FGF2: variants seen among roughly 807,000 people sequenced by gnomAD.
The protein encoded by FGF2 is fibroblast growth factor 2, also known as basic fibroblast growth factor bFGF.
Under a neutral mutation model 15.9 loss-of-function variants are expected in FGF2, and 13 were observed. That is an observed-to-expected ratio of 0.82 (90% CI 0.53 to 1.30). FGF2 has a LOEUF of 1.30. Ranked by LOEUF, FGF2 falls within the 50% of genes most tolerant of loss-of-function variation. The pLI, the probability that FGF2 is intolerant of heterozygous loss-of-function variation, is 0.00. For synonymous variants in FGF2, 90 were observed against 78.4 expected (o/e 1.15, Z -0.78); for missense variants, 163 against 196.9 (o/e 0.83, Z 1.03).
chr4:122,871,257 A>G (rs1726725256), intron 1 of FGF2, among the ~76,000 whole-genome samples: 1 of 152,156 alleles, frequency 6.6e-6, no homozygotes, highest in Non-Finnish European at 1.5e-5. Context: ...TCGGTTTTAG[A>G]ATAAATGCCA....
At chr4:122,841,091 T>C (rs1012101069) in intron 1 of FGF2, among the ~76,000 whole-genome samples, 1 of 152,226 alleles carries the variant, frequency 6.6e-6, no homozygotes, top group Non-Finnish European at 1.5e-5. Flanking sequence ...CCATGGAATA[T>C]TTGACCGAAT....
At chr4:122,864,900 C>T (rs577879800) in intron 1 of FGF2, among the ~76,000 whole-genome samples, 1 of 152,198 alleles carries the variant, frequency 6.6e-6, no homozygotes, top group East Asian at 1.9e-4. Context: ...ACAATGCAAA[C>T]ATTGTTACAT....
At chr4:122,889,966 T>A (rs1213018048) in intron 2 of FGF2, 2 of 152,170 alleles carry the variant, frequency 1.3e-5, no homozygotes, top group Non-Finnish European at 2.9e-5. Flanking sequence ...GTTGTTTAAA[T>A]TTACCTCTGG....
intron 1 of FGF2, among the ~76,000 whole-genome samples, chr4:122,875,756 G>C (rs1257244635): frequency 6.6e-6 from 1 of 152,192 alleles, no homozygotes; most frequent in Non-Finnish European, 1.5e-5. Context: ...GCAGTGAGCC[G>C]TGATTGTGCC....
At chr4:122,860,968 A>C (rs1158848658) in intron 1 of FGF2, among the ~76,000 whole-genome samples, 1 of 152,150 alleles carries the variant, frequency 6.6e-6, no homozygotes, top group Non-Finnish European at 1.5e-5. Flanking sequence ...AATAACTGTT[A>C]GATACCTTAG....
rs1727405397 is a variant in FGF2 at position 122,897,700 on chromosome 4, T to C, written c.*5304T>C. On this transcript the variant is annotated 3_prime_UTR_variant, in exon 3 of 3. Coordinates refer to ENST00000644866, the MANE Select transcript of FGF2 (RefSeq NM_001361665.2). ...TCAACTGCAGTATAAAGTCAGAAAA[T>C]AAAGTTAACATAACTTTCACTAACA... The C allele has an allele frequency of 1.3e-6, 2 of 1,548,338 alleles. No homozygotes were observed. Among genetic ancestry groups the C allele is most frequent in the African/African-American group, 2.7e-5 (2 of 73,664 alleles).
intron 2 of FGF2, among the ~76,000 whole-genome samples, chr4:122,876,696 A>T (rs776689054): frequency 6.6e-6 from 1 of 152,322 alleles, no homozygotes; most frequent in East Asian, 1.9e-4. Flanking sequence ...TTACTCTGCA[A>T]AACTATTAAG....
chr4:122,859,590 CA>C (rs58102648), intron 1 of FGF2, among the ~76,000 whole-genome samples: 7,675 of 151,918 alleles, frequency 0.051, 304 homozygotes, highest in Non-Finnish European at 0.075. Flanking sequence ...AGGTAGGGTG[CA>C]AAGCCAACAT....
At chr4:122,885,116 A>G (rs1727031426) in intron 2 of FGF2, among the ~76,000 whole-genome samples, 1 of 152,226 alleles carries the variant, frequency 6.6e-6, no homozygotes, top group Non-Finnish European at 1.5e-5. Context: ...TAGGGAGTAA[A>G]TAGTTCATAA....
rs2150758231 is a variant in FGF2, at chr4:122,827,158, CG to C, written c.-14del. ...GCTCCAGCGGCTCGGGGATCCCGGC[CG>C]GGCCCCGCAGGGACCATGGCAGCCG... is the stretch of plus-strand genomic sequence containing the variant. On this transcript the variant is annotated 5_prime_UTR_variant, in exon 1 of 3. Transcript: ENST00000644866. The surrounding 1 kb of genome is among the most constrained non-coding windows in gnomAD (Gnocchi z 4.2). 1 of 1,433,844 alleles carries C rather than the reference CG, an allele frequency of 7.0e-7. No individual in the cohort carries two copies. The highest frequency in any genetic ancestry group is 9.2e-7 in the Non-Finnish European group (1 of 1,090,294). 88.8% of individuals were successfully genotyped at this position (1,433,844 alleles called of 1,614,324 possible).
At chr4:122,854,878 C>G (rs970621104) in intron 1 of FGF2, among the ~76,000 whole-genome samples, 4 of 152,116 alleles carry the variant, frequency 2.6e-5, no homozygotes, top group Non-Finnish European at 2.9e-5. Flanking sequence ...ATTTTACAGT[C>G]AAATAGAATG....
chr4:122,876,960 G>C (rs975106734), intron 2 of FGF2, among the ~76,000 whole-genome samples: 5 of 152,130 alleles, frequency 3.3e-5, no homozygotes, highest in Admixed American at 6.5e-5. Flanking sequence ...TAGAAACAAT[G>C]ATACTATCTC....
At chr4:122,875,473 A>G (rs1374761940) in intron 1 of FGF2, among the ~76,000 whole-genome samples, 5 of 125,264 alleles carry the variant, frequency 4.0e-5, no homozygotes, top group African/African-American at 1.3e-4. Flanking sequence ...AAATGCATCT[A>G]TAGTTCATTG....
intron 1 of FGF2, among the ~76,000 whole-genome samples, chr4:122,854,341 C>T (rs72672968): frequency 0.019 from 2,932 of 152,258 alleles, 52 homozygotes; most frequent in Non-Finnish European, 0.032. Context: ...AGTATTCGAC[C>T]CTGGCAATCA....
intron 1 of FGF2, among the ~76,000 whole-genome samples, chr4:122,871,265 C>T (rs1272230600): frequency 6.6e-6 from 1 of 151,964 alleles, no homozygotes; most frequent in African/African-American, 2.4e-5. Flanking sequence ...AGAATAAATG[C>T]CATGTGGTAC....
chr4:122,897,615 GAT>G lies in FGF2; in HGVS notation c.*5221_*5222del. ...TTTTAAGCCAATTAAAAATATAAAA[GAT>G]ACACACCAATATCTTCTTCAGGCTC... On this transcript the variant is annotated 3_prime_UTR_variant, in exon 3 of 3. Transcript: ENST00000644866. 1 of 1,582,866 alleles carries G rather than the reference GAT, an allele frequency of 6.3e-7. No individual in the cohort carries two copies. Among genetic ancestry groups the G allele is most frequent in the Non-Finnish European group, 8.7e-7 (1 of 1,151,924 alleles).
chr4:122,848,638 A>T (rs1185469221), intron 1 of FGF2, among the ~76,000 whole-genome samples: 1 of 152,006 alleles, frequency 6.6e-6, no homozygotes, highest in African/African-American at 2.4e-5. Context: ...CACAGAGGGG[A>T]ATTGAGGCTG....
chr4:122,861,653 C>G (rs1470928933), intron 1 of FGF2, among the ~76,000 whole-genome samples: 1 of 152,038 alleles, frequency 6.6e-6, no homozygotes, highest in African/African-American at 2.4e-5. Flanking sequence ...TCATTAAAAG[C>G]TCTCATTCTT....
rs1713564191 is a variant in FGF2 at position 122,897,626 on chromosome 4, A to G, written c.*5230A>G. On this transcript the variant is annotated 3_prime_UTR_variant, in exon 3 of 3. Coordinates refer to ENST00000644866, the MANE Select transcript of FGF2 (RefSeq NM_001361665.2). ...TTAAAAATATAAAAGATACACACCA[A>G]TATCTTCTTCAGGCTCTGACAGGCC... The G allele has an allele frequency of 1.9e-5, 30 of 1,596,392 alleles. No homozygotes were observed. Among genetic ancestry groups the G allele is most frequent in the East Asian group, 4.5e-5 (2 of 44,710 alleles).
Sources: allele counts gnomAD v4.1 joint callset (sites outside exome capture counted in the v4.1 genomes callset), GRCh38; gene constraint gnomAD v4.1.1; non-coding constraint Gnocchi (gnomAD v3.1); transcripts MANE v1.5; gene names NCBI Gene and HGNC (gene_info 2026-07-23, HGNC 2026-07-21).